The following MASTL variants were observed in gnomAD, a reference collection of about 807,000 sequenced individuals.
MASTL encodes serine/threonine-protein kinase greatwall.
MASTL carries 54 observed loss-of-function variants against 82.5 expected under a neutral mutation model. That is an observed-to-expected ratio of 0.65 (90% CI 0.53 to 0.82). MASTL has a LOEUF of 0.82. Ranked by LOEUF, MASTL falls within the 40% of genes least tolerant of loss-of-function variation. The probability of loss-of-function intolerance (pLI) is 0.00; values close to 1 mark genes in which losing one functional copy is unlikely to be tolerated. For synonymous variants in MASTL, 323 were observed against 368.9 expected, an observed-to-expected ratio of 0.88 and a Z score of 1.43; for missense variants, 950 against 1,047.8, an observed-to-expected ratio of 0.91 and a Z score of 1.29.
At chr10:27,166,708 G>A (rs1458418228) in intron 6 of MASTL, among the ~76,000 whole-genome samples, 1 of 152,024 alleles carries the variant, frequency 6.6e-6, no homozygotes, top group East Asian at 1.9e-4. Flanking sequence ...GCTGCAGTGA[G>A]AGTAATCATA....
intron 7 of MASTL, among the ~76,000 whole-genome samples, chr10:27,169,379 A>G (rs1444118611): frequency 6.6e-6 from 1 of 152,046 alleles, no homozygotes; most frequent in Non-Finnish European, 1.5e-5. Flanking sequence ...CCTGGCCAAC[A>G]TAGTGAAACC....
Position 27,180,593 on chromosome 10 carries a change from T to C in MASTL, c.2267-360T>C, listed in dbSNP as rs1022231655. Reference sequence around the variant, plus strand: ...TTTTAGTACAGACAGGGTTTCACCATGTTGGCTGGGCTGGTCTTGAACTCC... The same window carrying C: ...TTTTAGTACAGACAGGGTTTCACCACGTTGGCTGGGCTGGTCTTGAACTCC... On this transcript the variant is annotated intron_variant, in intron 9 of 11. Transcript: ENST00000375940. 5.3e-5 allele frequency among the ~76,000 whole-genome samples: 8 copies of C among 152,180 alleles called. No homozygotes were observed. The East Asian group carries it at 1.5e-3, about 29-fold the overall frequency.
intron 8 of MASTL, among the ~76,000 whole-genome samples, chr10:27,171,726 C>T (rs1047078684): frequency 2.0e-5 from 3 of 151,764 alleles, no homozygotes; most frequent in African/African-American, 7.3e-5. Flanking sequence ...AGCCACCTCA[C>T]CTGGCCAGAG....
At chr10:27,160,245 C>T (rs1443767970) in intron 3 of MASTL, among the ~76,000 whole-genome samples, 1 of 146,828 alleles carries the variant, frequency 6.8e-6, no homozygotes, top group Non-Finnish European at 1.5e-5. Flanking sequence ...GATCCTCCCA[C>T]CTCAGCCTCC....
rs2057895488 is a variant in MASTL at position 27,170,525 on chromosome 10, A to G, written c.1566A>G (p.Lys522=). ...CTGATAAACAACAAACACCAGAAAA[A>G]TTACCTATACCAATGATAGCAAAAA... ...SFTDKQQTPE[K]LPIPMIAKNL... Residue 522 remains lysine, a synonymous_variant, in exon 8 of 12, where the codon AAA becomes AAG. Coordinates refer to ENST00000375940, the MANE Select transcript of MASTL (RefSeq NM_001172303.3). 4.3e-6 allele frequency: 7 copies of G among 1,614,070 alleles called. No individual in the cohort carries two copies. Among genetic ancestry groups the G allele is most frequent in the Non-Finnish European group, 5.9e-6 (7 of 1,179,994 alleles).
intron 9 of MASTL, among the ~76,000 whole-genome samples, chr10:27,176,806 T>C (rs2058114612): frequency 6.7e-6 from 1 of 149,418 alleles, no homozygotes; most frequent in Non-Finnish European, 1.5e-5. Context: ...TACAAAAGCT[T>C]AAGAAAACTT....
intron 11 of MASTL, among the ~76,000 whole-genome samples, chr10:27,184,023 C>A (rs1026680448): frequency 1.3e-5 from 2 of 152,056 alleles, no homozygotes; most frequent in Admixed American, 1.3e-4. Flanking sequence ...AGTTTGTTTA[C>A]TCACTGATTT....
intron 4 of MASTL, among the ~76,000 whole-genome samples, chr10:27,164,270 A>C (rs2136009354): frequency 6.6e-6 from 1 of 152,288 alleles, no homozygotes; most frequent in South Asian, 2.1e-4. Flanking sequence ...CAGCCTCCCC[A>C]GTAGCTGGGA....
intron 1 of MASTL, among the ~76,000 whole-genome samples, chr10:27,155,962 C>T (rs1031647115): frequency 6.6e-6 from 1 of 152,212 alleles, no homozygotes; most frequent in Admixed American, 6.5e-5. Context: ...GCACTTAAAG[C>T]CAAAGCCGTG....
In MASTL at chr10:27,171,007, T is replaced by C; in HGVS notation, c.2048T>C (p.Ile683Thr). The change falls in exon 8 of 12, where the codon ATT (isoleucine) becomes ACT (threonine). Residue 683 changes from isoleucine (I) to threonine (T), a missense_variant. Ile to Thr is a moderately conservative substitution (Grantham distance 89, BLOSUM62 -1). Transcript: ENST00000375940. ...ATGACTTCTTTAGATGCAATGGATA[T>C]TTCGTGTGCCTACAGTGGTTCATAT... ...MNMTSLDAMD[I>T]SCAYSGSYPM... 2 of 1,614,118 alleles carry C rather than the reference T, an allele frequency of 1.2e-6. No individual in the cohort carries two copies. Among genetic ancestry groups the C allele is most frequent in the Non-Finnish European group, 1.7e-6 (2 of 1,179,984 alleles).
intron 7 of MASTL, among the ~76,000 whole-genome samples, chr10:27,168,228 T>C (rs558265861): frequency 6.6e-6 from 1 of 152,362 alleles, no homozygotes; most frequent in South Asian, 2.1e-4. Flanking sequence ...TCTTTTTTCC[T>C]TCTGTCTTTA....
intron 1 of MASTL, 79 bp downstream of exon 1, chr10:27,155,691 G>A: frequency 6.5e-7 from 1 of 1,536,568 alleles, no homozygotes. Context: ...GGCAGGCCCC[G>A]GGGTTGCTGG....
At chr10:27,185,555 C>T (rs1241163143) in intron 11 of MASTL, among the ~76,000 whole-genome samples, 1 of 150,778 alleles carries the variant, frequency 6.6e-6, no homozygotes, top group African/African-American at 2.4e-5. Flanking sequence ...ATCGCTTGAA[C>T]CCGGGAGGCA....
In MASTL at chr10:27,186,914, A is replaced by T. The variant is rs1310714870; in HGVS notation, c.*378A>T. 3.8e-6 allele frequency: 1 copy of T among 261,460 alleles called. No homozygotes were observed. The highest frequency in any genetic ancestry group is 7.4e-6 in the Non-Finnish European group (1 of 134,344). 16.2% of individuals were successfully genotyped at this position (261,460 alleles called of 1,614,324 possible). A position where few individuals can be genotyped will look rare whatever the true frequency, so the allele number is the denominator to read the frequency against. On this transcript the variant is annotated 3_prime_UTR_variant, in exon 12 of 12. Transcript: ENST00000375940. ...CATTAAAATAATAAAATAATCATAC[A>T]GTTCCATTTGATTGTAATTTACTTG...
intron 11 of MASTL, among the ~76,000 whole-genome samples, chr10:27,184,123 G>A (rs2136221560): frequency 6.6e-6 from 1 of 152,310 alleles, no homozygotes; most frequent in South Asian, 2.1e-4. Context: ...TCAGATCCCT[G>A]TCCTCGTGGA....
At chr10:27,184,714 C>T (rs574560353) in intron 11 of MASTL, among the ~76,000 whole-genome samples, 1 of 152,000 alleles carries the variant, frequency 6.6e-6, no homozygotes, top group Admixed American at 6.6e-5. Flanking sequence ...CTGCATCCCA[C>T]CACACCTGGC....
At position 27,167,259 on chromosome 10, in the gene MASTL, G is replaced by T. The variant is rs1564490041; in HGVS notation, c.969G>T (p.Trp323Cys). 5.0e-6 allele frequency: 8 copies of T among 1,613,584 alleles called. No homozygotes were observed. Among genetic ancestry groups the T allele is most frequent in the Non-Finnish European group, 5.1e-6 (6 of 1,179,812 alleles). The change falls in exon 7 of 12, where the codon TGG becomes TGT. Residue 323 changes from tryptophan (W) to cysteine (C), a missense_variant. Physicochemically the swap from Trp to Cys is radical, Grantham distance 215. Coordinates refer to ENST00000375940, the MANE Select transcript of MASTL (RefSeq NM_001172303.3). ...VESECHSSPKWEKDCQESDEA... is the reference protein window; with the variant it reads ...VESECHSSPKCEKDCQESDEA... Reference sequence around the variant, plus strand: ...CAGAATGCCACAGCAGTCCCAAATGGGAAAAAGATTGCCAGGTTTGAGGGA... The same window carrying T: ...CAGAATGCCACAGCAGTCCCAAATGTGAAAAAGATTGCCAGGTTTGAGGGA...
At chr10:27,158,325 A>G (rs1385049875) in intron 1 of MASTL, among the ~76,000 whole-genome samples, 2 of 152,194 alleles carry the variant, frequency 1.3e-5, no homozygotes, top group Non-Finnish European at 2.9e-5. Context: ...TGGGCAACGT[A>G]GTGAGACCTT....
chr10:27,173,366 AG>A, intron 9 of MASTL, 107 bp downstream of exon 9: 1 of 1,278,022 alleles, frequency 7.8e-7, no homozygotes, highest in South Asian at 1.2e-5. Flanking sequence ...CTAAAGTAAA[AG>A]AAAATGAACT....
Sources: allele counts gnomAD v4.1 joint callset (sites outside exome capture counted in the v4.1 genomes callset), GRCh38; gene constraint gnomAD v4.1.1; transcripts MANE v1.5; gene names NCBI Gene and HGNC (gene_info 2026-07-23, HGNC 2026-07-21).